The following EIF4G3 variants were observed in gnomAD, a reference collection of about 807,000 sequenced individuals.
EIF4G3 encodes eukaryotic translation initiation factor 4 gamma 3.
Under a neutral mutation model 186.4 loss-of-function variants are expected in EIF4G3, and 34 were observed. That is an observed-to-expected ratio of 0.18 (90% CI 0.14 to 0.24). The LOEUF is 0.24. Among genes scored for constraint, EIF4G3 ranks in the 10% least tolerant of loss-of-function variants. The probability of loss-of-function intolerance (pLI) is 1.00; values close to 1 mark genes in which losing one functional copy is unlikely to be tolerated. For missense variants in EIF4G3, 1,536 were observed against 1,948.5 expected (o/e 0.79, Z 3.99); for synonymous variants, 673 against 679.5 (o/e 0.99, Z 0.15).
intron 4 of EIF4G3, among the ~76,000 whole-genome samples, chr1:21,028,777 AC>A (rs2092436988): frequency 1.3e-5 from 2 of 152,202 alleles, no homozygotes; most frequent in Admixed American, 6.5e-5. Context: ...TGAAGTAAGC[AC>A]AGTTCAGGAT....
At chr1:20,821,380 C>T (rs935190970) in intron 33 of EIF4G3, among the ~76,000 whole-genome samples, 1 of 152,208 alleles carries the variant, frequency 6.6e-6, no homozygotes, top group African/African-American at 2.4e-5. Flanking sequence ...ATGCAAAATT[C>T]CCAAATTCAC....
intron 33 of EIF4G3, 69 bp from the exon 34 acceptor site, chr1:20,817,607 G>T (rs2061385046): frequency 2.0e-6 from 2 of 983,700 alleles, no homozygotes; most frequent in African/African-American, 1.7e-5. Context: ...CCTGAGAGAA[G>T]AACAAAGTCA....
intron 2 of EIF4G3, among the ~76,000 whole-genome samples, chr1:21,089,655 G>A (rs2096115433): frequency 6.6e-6 from 1 of 151,872 alleles, no homozygotes. Context: ...AGCCGAGTGT[G>A]GTTGCCAGCA....
At chr1:20,818,042 C>A (rs1265663985) in intron 33 of EIF4G3, among the ~76,000 whole-genome samples, 1 of 152,048 alleles carries the variant, frequency 6.6e-6, no homozygotes, top group Non-Finnish European at 1.5e-5. Flanking sequence ...ACTTCTCATA[C>A]CGTGTATCTT....
intron 3 of EIF4G3, 102 bp downstream of exon 3, chr1:21,089,024 GAACTTTTTGCCA>G: frequency 1.6e-6 from 1 of 632,176 alleles, no homozygotes; most frequent in Non-Finnish European, 2.9e-6. Context: ...GAATTTTATT[GAACTTTTTGCCA>G]AAAATTTGTC....
In EIF4G3 at chr1:21,050,781, T is replaced by C. The variant is rs140324068; in HGVS notation, c.-67+85A>G. 51 of 648,912 alleles carry C rather than the reference T, an allele frequency of 7.9e-5. No individual in the cohort carries two copies. The African/African-American group carries it at 8.2e-4, about 10-fold the overall frequency. The allele number at this position is 648,912 out of a possible 1,614,324, so 40.2% of individuals were successfully genotyped here. ...ATTACTATACAAGTAATGTTTTATG[T>C]TACTGCTTAGGAGTCTCTTTAGAAA... On this transcript the variant is annotated intron_variant, in intron 4 of 36. Transcript: ENST00000602326.
chr1:20,958,749 CCAA>C (rs2096497981), intron 12 of EIF4G3, among the ~76,000 whole-genome samples: 1 of 152,114 alleles, frequency 6.6e-6, no homozygotes, highest in South Asian at 2.1e-4. Context: ...CTGCTATACA[CCAA>C]CAACGACCAA....
chr1:20,919,384 T>C (rs1021141050), intron 14 of EIF4G3, among the ~76,000 whole-genome samples: 6 of 152,214 alleles, frequency 3.9e-5, no homozygotes, highest in Admixed American at 3.3e-4. Context: ...AATTTTTGTA[T>C]TGTAGAGACA....
chr1:20,915,024 T>C (rs1438149663), intron 14 of EIF4G3, among the ~76,000 whole-genome samples: 2 of 152,220 alleles, frequency 1.3e-5, no homozygotes, highest in African/African-American at 4.8e-5. Context: ...ATTCCTTATC[T>C]CTACTTTTTG....
At chr1:20,981,586 TATAC>T (rs1383626656) in intron 8 of EIF4G3, among the ~76,000 whole-genome samples, 1 of 137,202 alleles carries the variant, frequency 7.3e-6, no homozygotes, top group African/African-American at 2.7e-5. Context: ...ATACTGTATG[TATAC>T]ATACATGTAT....
intron 14 of EIF4G3, among the ~76,000 whole-genome samples, chr1:20,924,835 T>G (rs891608624): frequency 9.2e-5 from 14 of 152,244 alleles, no homozygotes; most frequent in African/African-American, 3.4e-4. Context: ...GTGCTGGGAT[T>G]ACAGGTGTGA....
intron 30 of EIF4G3, among the ~76,000 whole-genome samples, chr1:20,830,076 A>G (rs2154547760): frequency 6.6e-6 from 1 of 152,368 alleles, no homozygotes; most frequent in South Asian, 2.1e-4. Context: ...TAACTACAGG[A>G]GACATACACA....
At chr1:20,950,437 A>G (rs1169996344) in intron 12 of EIF4G3, among the ~76,000 whole-genome samples, 1 of 152,160 alleles carries the variant, frequency 6.6e-6, no homozygotes, top group Non-Finnish European at 1.5e-5. Context: ...CAACCTAACA[A>G]TAGACGACAC....
chr1:21,068,391 A>AAAACAAAAAAAC (rs2095333851), intron 3 of EIF4G3, among the ~76,000 whole-genome samples: 1 of 149,094 alleles, frequency 6.7e-6, no homozygotes, highest in Non-Finnish European at 1.5e-5. Flanking sequence ...AAAAAAAAAA[A>AAAACAAAAAAAC]AAAAAAAAAC....
chr1:20,899,763 C>G lies in EIF4G3; in HGVS notation c.1933G>C (p.Gly645Arg), dbSNP rs2089670996. ...NGAESVSEGE[G>R]IDANSGSTDS... ...GTGGAGCCTGAATTAGCATCTATTC[C>G]TTCACCCTCAGAAACACTCTCAGCA... The change falls in exon 16 of 37, where the codon GGA becomes CGA. Residue 645 changes from glycine (G) to arginine (R), a missense_variant. Physicochemically the swap from Gly to Arg is moderately radical, Grantham distance 125. This residue lies in a region of EIF4G3 where 560 missense variants were observed against 547.8 expected (regional missense o/e 1.02). Transcript: ENST00000602326. 1 of 1,614,116 alleles carries G rather than the reference C, an allele frequency of 6.2e-7. No individual in the cohort carries two copies. The highest frequency in any genetic ancestry group is 8.5e-7 in the Non-Finnish European group (1 of 1,180,004).
intron 2 of EIF4G3, among the ~76,000 whole-genome samples, chr1:21,094,362 C>G (rs1013980783): frequency 2.0e-5 from 3 of 152,006 alleles, no homozygotes; most frequent in Non-Finnish European, 4.4e-5. Context: ...AGACTTGGAA[C>G]CAACCCAAAT....
At chr1:21,097,316 A>G (rs574244905) in intron 2 of EIF4G3, among the ~76,000 whole-genome samples, 1 of 152,314 alleles carries the variant, frequency 6.6e-6, no homozygotes, top group Non-Finnish European at 1.5e-5. Flanking sequence ...AACCACTTTC[A>G]GTAGGTATCC....
At chr1:21,047,779 G>A (rs2093978577) in intron 4 of EIF4G3, among the ~76,000 whole-genome samples, 1 of 152,086 alleles carries the variant, frequency 6.6e-6, no homozygotes, top group South Asian at 2.1e-4. Context: ...CCTACAAACT[G>A]TTTCAACTGT....
intron 4 of EIF4G3, among the ~76,000 whole-genome samples, chr1:21,025,592 T>C (rs1405728784): frequency 1.3e-5 from 2 of 152,226 alleles, no homozygotes; most frequent in Non-Finnish European, 2.9e-5. Flanking sequence ...CCCAAAATGA[T>C]TGGGTCCCAG....
Sources: allele counts gnomAD v4.1 joint callset (sites outside exome capture counted in the v4.1 genomes callset), GRCh38; gene constraint gnomAD v4.1.1; regional missense constraint gnomAD v4.1.1; transcripts MANE v1.5; gene names NCBI Gene and HGNC (gene_info 2026-07-23, HGNC 2026-07-21).